The following NRP1 variants were observed in gnomAD, a reference collection of about 807,000 sequenced individuals.
NRP1 encodes the protein neuropilin 1.
NRP1 carries 35 observed loss-of-function variants against 106.7 expected under a neutral mutation model. The ratio of observed to expected loss-of-function variants is 0.33; its 90% CI spans 0.25 to 0.43. The LOEUF is 0.43. NRP1 is among the 20% of genes least tolerant of loss of function. NRP1 has a pLI of 1.00. For missense variants in NRP1, 1,024 were observed against 1,170.4 expected (o/e 0.87, Z 1.83); for synonymous variants, 437 against 417.9 (o/e 1.05, Z -0.56).
chr10:33,286,203 A>C (rs1343775532), intron 2 of NRP1, among the ~76,000 whole-genome samples: 3 of 152,256 alleles, frequency 2.0e-5, no homozygotes, highest in Non-Finnish European at 2.9e-5. Flanking sequence ...AACACAGATA[A>C]GCAAAGAAAC....
intron 12 of NRP1, chr10:33,194,506 C>A: frequency 3.7e-6 from 1 of 266,970 alleles, no homozygotes; most frequent in East Asian, 8.5e-5. Flanking sequence ...TTGAAATGAC[C>A]AGGACATGGA....
At chr10:33,276,928 C>A (rs1019255269) in intron 2 of NRP1, among the ~76,000 whole-genome samples, 3 of 151,880 alleles carry the variant, frequency 2.0e-5, no homozygotes, top group East Asian at 3.9e-4. Context: ...AACCCCTAAC[C>A]CCCTCTCTAC....
At chr10:33,297,686 CAAAA>C (rs10711145) in intron 2 of NRP1, among the ~76,000 whole-genome samples, 7 of 95,982 alleles carry the variant, frequency 7.3e-5, no homozygotes, top group Admixed American at 1.2e-4. Flanking sequence ...GACTTTGTCT[CAAAA>C]AAAAAAAAAA....
At chr10:33,263,979 A>C (rs1842755458) in intron 3 of NRP1, 106 bp from the exon 4 acceptor site, 2 of 724,588 alleles carry the variant, frequency 2.8e-6, no homozygotes, top group South Asian at 3.4e-5. Context: ...AAAGCCCGCC[A>C]GTATAACCAC....
At position 33,213,916 on chromosome 10, in the gene NRP1, C is replaced by T. The variant is rs61760417; in HGVS notation, c.1283-199G>A. On this transcript the variant is annotated intron_variant, in intron 8 of 16. Coordinates refer to ENST00000374867, the MANE Select transcript of NRP1 (RefSeq NM_003873.7). ...CTGTCAGAATTCCCGTCTCTAAACTCACATCCCAGTAAGGCAAATCTTCAA... is the reference window on the plus strand; with the variant it reads ...CTGTCAGAATTCCCGTCTCTAAACTTACATCCCAGTAAGGCAAATCTTCAA... 1,278 of 561,376 alleles carry T rather than the reference C, an allele frequency of 2.3e-3. 16 individuals carry two copies. Among genetic ancestry groups the T allele is most frequent in the African/African-American group, 0.019 (1,010 of 53,246 alleles). The allele number at this position is 561,376 out of a possible 1,614,324, so 34.8% of individuals were successfully genotyped here.
At chr10:33,325,922 G>A (rs1334997578) in intron 2 of NRP1, among the ~76,000 whole-genome samples, 1 of 152,172 alleles carries the variant, frequency 6.6e-6, no homozygotes, top group East Asian at 1.9e-4. Flanking sequence ...ACTGAAGTCG[G>A]TAAGTAAGAT....
At chr10:33,224,489 C>A (rs1029768903) in intron 7 of NRP1, among the ~76,000 whole-genome samples, 1 of 151,928 alleles carries the variant, frequency 6.6e-6, no homozygotes, top group African/African-American at 2.4e-5. Flanking sequence ...AATGAAATAC[C>A]AGTTAAGTTT....
At position 33,180,219 on chromosome 10, in the gene NRP1, C is replaced by G; in HGVS notation, c.2629G>C (p.Val877Leu). 6.2e-7 allele frequency: 1 copy of G among 1,614,116 alleles called. No homozygotes were observed. Among genetic ancestry groups the G allele is most frequent in the Admixed American group, 1.7e-5 (1 of 60,006 alleles). ...LGVLLGAVCG[V>L]VLYCACWHNG... ...TGCCAACAGGCACAGTACAGCACGA[C>G]CCCACAGACAGCCCCCAGGAGGACC... The change falls in exon 17 of 17, where the codon GTC becomes CTC. Residue 877 changes from valine to leucine, a missense_variant. Coordinates refer to ENST00000374867, the MANE Select transcript of NRP1 (RefSeq NM_003873.7).
intron 6 of NRP1, among the ~76,000 whole-genome samples, chr10:33,251,497 A>G (rs1173253036): frequency 6.6e-6 from 1 of 152,202 alleles, no homozygotes; most frequent in Non-Finnish European, 1.5e-5. Context: ...CAGCTGGCCC[A>G]GCCATAGAAC....
At chr10:33,237,198 C>T (rs1840627422) in intron 6 of NRP1, among the ~76,000 whole-genome samples, 2 of 152,062 alleles carry the variant, frequency 1.3e-5, no homozygotes, top group South Asian at 4.1e-4. Context: ...TCCATTAAAT[C>T]CAACACACAT....
At chr10:33,320,053 C>T (rs1847376873) in intron 2 of NRP1, among the ~76,000 whole-genome samples, 1 of 151,692 alleles carries the variant, frequency 6.6e-6, no homozygotes, top group South Asian at 2.1e-4. Flanking sequence ...TGGCTCACGC[C>T]TGTAATCCCA....
rs1839665076 is a variant in NRP1, at chr10:33,226,306, A to G, written c.982-17T>C. The G allele has an allele frequency of 1.9e-6, 3 of 1,613,740 alleles. No homozygotes were observed. Among genetic ancestry groups the G allele is most frequent in the African/African-American group, 2.7e-5 (2 of 74,918 alleles). Reference sequence around the variant, plus strand: ...CAAGTCTACCTGCAAGACAAGTACAAGCGTGGTCAGTGCACCATCCCTGCA... The same window carrying G: ...CAAGTCTACCTGCAAGACAAGTACAGGCGTGGTCAGTGCACCATCCCTGCA... On this transcript the variant is annotated splice_polypyrimidine_tract_variant and intron_variant, in intron 6 of 16. Coordinates refer to ENST00000374867, the MANE Select transcript of NRP1 (RefSeq NM_003873.7).
At chr10:33,281,996 T>C (rs1403392375) in intron 2 of NRP1, among the ~76,000 whole-genome samples, 1 of 152,236 alleles carries the variant, frequency 6.6e-6, no homozygotes, top group African/African-American at 2.4e-5. Flanking sequence ...AATATGACCA[T>C]AGCCTGATAT....
chr10:33,285,981 C>T (rs1844504264), intron 2 of NRP1, among the ~76,000 whole-genome samples: 1 of 152,242 alleles, frequency 6.6e-6, no homozygotes, highest in South Asian at 2.1e-4. Context: ...TGCCTCCAAT[C>T]TGTTCCGTCA....
intron 16 of NRP1, 51 bp from the exon 17 acceptor site, chr10:33,180,416 G>A: frequency 6.7e-7 from 1 of 1,501,900 alleles, no homozygotes; most frequent in Non-Finnish European, 8.9e-7. Flanking sequence ...CAGACCAGAT[G>A]AAAGCAGACA....
At chr10:33,311,954 T>C (rs1736605590) in intron 2 of NRP1, among the ~76,000 whole-genome samples, 1 of 152,036 alleles carries the variant, frequency 6.6e-6, no homozygotes, top group Admixed American at 6.6e-5. Flanking sequence ...CCTTTTTTTC[T>C]CATAACAGTG....
intron 11 of NRP1, among the ~76,000 whole-genome samples, chr10:33,198,587 C>T (rs1836981593): frequency 6.6e-6 from 1 of 152,062 alleles, no homozygotes; most frequent in African/African-American, 2.4e-5. Flanking sequence ...AAAGCAAAGG[C>T]CTCTGAAAAA....
intron 15 of NRP1, among the ~76,000 whole-genome samples, chr10:33,184,295 C>T (rs530026019): frequency 5.9e-5 from 9 of 152,346 alleles, no homozygotes; most frequent in African/African-American, 1.7e-4. Flanking sequence ...GGATGACAGA[C>T]GTGAGCCACT....
At chr10:33,257,465 C>G (rs560073404) in intron 4 of NRP1, among the ~76,000 whole-genome samples, 1 of 152,208 alleles carries the variant, frequency 6.6e-6, no homozygotes, top group South Asian at 2.1e-4. Context: ...GGTGAAACCC[C>G]GTTTCTACTA....
Sources: gnomAD v4.1 joint callset for allele counts (sites outside exome capture counted in the v4.1 genomes callset) on GRCh38, gnomAD v4.1.1 for gene constraint, MANE v1.5 for transcripts, NCBI Gene and HGNC (gene_info 2026-07-23, HGNC 2026-07-21) for gene names.